ATXN3: variants seen among roughly 807,000 people sequenced by gnomAD.
ATXN3 encodes the protein ataxin 3.
A neutral mutation model predicts 58.2 loss-of-function variants in ATXN3; 28 were observed. The ratio of observed to expected loss-of-function variants is 0.48; its 90% CI spans 0.36 to 0.66. The LOEUF is 0.66. ATXN3 is among the 30% of genes least tolerant of loss of function. The probability of loss-of-function intolerance (pLI) is 0.00; values close to 1 mark genes in which losing one functional copy is unlikely to be tolerated. For synonymous variants in ATXN3, 113 were observed against 138.5 expected, an observed-to-expected ratio of 0.82 and a Z score of 1.29; for missense variants, 321 against 422.1, an observed-to-expected ratio of 0.76 and a Z score of 2.10.
rs61461391 is a variant in ATXN3, at chr14:92,060,270, ATTTT to A, written c.*4046_*4049del. ...CACACATATATATATATATATATAT[ATTTT>A]TTTTTTTCAGAAACAGTGTCTCACT... On this transcript the variant is annotated 3_prime_UTR_variant, in exon 11 of 11. Coordinates refer to ENST00000644486, the MANE Select transcript of ATXN3 (RefSeq NM_004993.6). 1 of 117,422 alleles carries A rather than the reference ATTTT, an allele frequency of 8.5e-6. No homozygotes were observed. Among genetic ancestry groups the A allele is most frequent in the African/African-American group, 3.5e-5 (1 of 28,296 alleles). 7.3% of individuals were successfully genotyped at this position (117,422 alleles called of 1,614,324 possible). A position where few individuals can be genotyped will look rare whatever the true frequency, so the allele number is the denominator to read the frequency against.
rs879408754 is a variant in ATXN3, at chr14:92,059,522, T to G, written c.*4798A>C. The G allele has an allele frequency of 3.3e-5, 5 of 152,208 alleles. No individual in the cohort carries two copies. The highest frequency in any genetic ancestry group is 7.3e-5 in the Non-Finnish European group (5 of 68,064). The allele number at this position is 152,208 out of a possible 1,614,324, so 9.4% of individuals were successfully genotyped here. A position where few individuals can be genotyped will look rare whatever the true frequency, so the allele number is the denominator to read the frequency against. ...ACTCGATACAACAAACAATTCACTT[T>G]GAAAACAGTGGCCCAAGGCCGGGTG... is the stretch of plus-strand genomic sequence containing the variant. On this transcript the variant is annotated 3_prime_UTR_variant, in exon 11 of 11. Transcript: ENST00000644486.
chr14:92,054,974 C>T (rs992460919), downstream of ATXN3, among the ~76,000 whole-genome samples: 15 of 152,274 alleles, frequency 9.9e-5, no homozygotes, highest in Non-Finnish European at 1.9e-4. Context: ...CTCCGCCTCC[C>T]GGGTTCAAGC....
chr14:92,090,660 T>C (rs2063578160), intron 5 of ATXN3: 1 of 152,200 alleles, frequency 6.6e-6, no homozygotes, highest in South Asian at 2.1e-4. Flanking sequence ...TTTGACATCT[T>C]CTGTATTTGT....
downstream of ATXN3, among the ~76,000 whole-genome samples, chr14:92,054,494 T>C: frequency 6.6e-6 from 1 of 152,234 alleles, no homozygotes; most frequent in South Asian, 2.1e-4. Flanking sequence ...GCAAATGCCA[T>C]GGCAACATCA....
At position 92,063,414 on chromosome 14, in the gene ATXN3, T is replaced by G. The variant is rs2057916955; in HGVS notation, c.*906A>C. 1 of 152,212 alleles carries G rather than the reference T, an allele frequency of 6.6e-6. No homozygotes were observed. The highest frequency in any genetic ancestry group is 1.9e-4 in the East Asian group (1 of 5,204). 9.4% of individuals were successfully genotyped at this position (152,212 alleles called of 1,614,324 possible). A position where few individuals can be genotyped will look rare whatever the true frequency, so the allele number is the denominator to read the frequency against. ...TCATGGTGGGTACGTATGTTTAGTC[T>G]TCTAACAGAAGGAGACTTGCCTGCA... On this transcript the variant is annotated 3_prime_UTR_variant, in exon 11 of 11. Coordinates refer to ENST00000644486, the MANE Select transcript of ATXN3 (RefSeq NM_004993.6).
intron 9 of ATXN3, among the ~76,000 whole-genome samples, chr14:92,075,156 G>GTTTTTTTTTTTTTTT (rs376552690): frequency 9.0e-6 from 1 of 111,356 alleles, no homozygotes; most frequent in African/African-American, 3.4e-5. Context: ...GTAATAGGGA[G>GTTTTTTTTTTTTTTT]TTTTTTTTTT....
At chr14:92,052,256 A>G (rs2140163826), upstream of ATXN3, among the ~76,000 whole-genome samples, 1 of 152,010 alleles carries the variant, frequency 6.6e-6, no homozygotes, top group Admixed American at 6.5e-5. Flanking sequence ...GCACTTTGGG[A>G]GGCTGAGGCG....
At chr14:92,072,694 T>TA (rs33967699) in intron 9 of ATXN3, among the ~76,000 whole-genome samples, 2,362 of 90,888 alleles carry the variant, frequency 0.026, 46 homozygotes, top group African/African-American at 0.03. Context: ...AGCTATAGGT[T>TA]AAAAAAAAAA....
chr14:92,074,240 TTGTTTGA>T (rs2059964440), intron 9 of ATXN3, among the ~76,000 whole-genome samples: 2 of 151,534 alleles, frequency 1.3e-5, no homozygotes, highest in Non-Finnish European at 2.9e-5. Context: ...GGCAGGAGAA[TTGTTTGA>T]AGCTGGGAGG....
At chr14:92,054,950 C>T (rs528369869), downstream of ATXN3, among the ~76,000 whole-genome samples, 19 of 152,146 alleles carry the variant, frequency 1.2e-4, no homozygotes, top group Admixed American at 2.0e-4. Context: ...GGCGTGATCT[C>T]GGCTCACTGC....
At chr14:92,050,505 G>A (rs1368428021), upstream of ATXN3, 3 of 152,266 alleles carry the variant, frequency 2.0e-5, no homozygotes, top group East Asian at 5.8e-4. Flanking sequence ...TACAGGTGGT[G>A]GGATCGAAGC....
rs1044663984 is a variant in ATXN3, at chr14:92,060,866, G to C, written c.*3454C>G. 1 of 151,866 alleles carries C rather than the reference G, an allele frequency of 6.6e-6. No individual in the cohort carries two copies. Among genetic ancestry groups the C allele is most frequent in the Non-Finnish European group, 1.5e-5 (1 of 68,038 alleles). The allele number at this position is 151,866 out of a possible 1,614,324, so 9.4% of individuals were successfully genotyped here. A position where few individuals can be genotyped will look rare whatever the true frequency, so the allele number is the denominator to read the frequency against. ...TCCTGCCTCAGACTCCCAGGTAGCT[G>C]GGATTACAGGCACCTGCCACCGCGC... On this transcript the variant is annotated 3_prime_UTR_variant, in exon 11 of 11. Coordinates refer to ENST00000644486, the MANE Select transcript of ATXN3 (RefSeq NM_004993.6).
At chr14:92,082,530 C>T in intron 7 of ATXN3, 64 bp from the exon 8 acceptor site, 1 of 1,426,160 alleles carries the variant, frequency 7.0e-7, no homozygotes, top group South Asian at 1.5e-5. Context: ...AACATAAAGG[C>T]ATTTGTAATG....
intron 9 of ATXN3, among the ~76,000 whole-genome samples, chr14:92,078,071 T>G (rs2060754230): frequency 6.6e-6 from 1 of 150,754 alleles, no homozygotes; most frequent in African/African-American, 2.5e-5. Flanking sequence ...ACCTCCTGGG[T>G]TCAAGCGATT....
chr14:92,057,970 A>G (rs1342557044), downstream of ATXN3, among the ~76,000 whole-genome samples: 1 of 152,112 alleles, frequency 6.6e-6, no homozygotes, highest in Non-Finnish European at 1.5e-5. Flanking sequence ...TCGGCCTCTC[A>G]AAGTGCTAGG....
At position 92,061,603 on chromosome 14, in the gene ATXN3, C is replaced by G. The variant is rs1172511554; in HGVS notation, c.*2717G>C. The G allele has an allele frequency of 1.3e-5, 2 of 152,078 alleles. No homozygotes were observed. The highest frequency in any genetic ancestry group is 2.9e-5 in the Non-Finnish European group (2 of 68,026). 9.4% of individuals were successfully genotyped at this position (152,078 alleles called of 1,614,324 possible). ...TAAATATTAAACATTAAGATGTTCC[C>G]AATTAGTAAAACAAAATGGAAATCT... is the stretch of plus-strand genomic sequence containing the variant. On this transcript the variant is annotated 3_prime_UTR_variant, in exon 11 of 11. Transcript: ENST00000644486.
intron 10 of ATXN3, among the ~76,000 whole-genome samples, chr14:92,068,457 T>C (rs915678590): frequency 9.9e-5 from 15 of 152,274 alleles, no homozygotes; most frequent in African/African-American, 2.6e-4. Context: ...TCTGAACCCA[T>C]AGCTTCTCCA....
chr14:92,050,727 T>G (rs1258972540), upstream of ATXN3: 2 of 152,586 alleles, frequency 1.3e-5, no homozygotes, highest in African/African-American at 4.8e-5. Context: ...CTTGGCTCAC[T>G]GCAACCTCCG....
chr14:92,095,952 A>G, intron 3 of ATXN3, 141 bp downstream of exon 3: 1 of 708,168 alleles, frequency 1.4e-6, no homozygotes, highest in African/African-American at 1.8e-5. Flanking sequence ...AAGAAAAAAA[A>G]AATCTAGTAC....
Sources: gnomAD v4.1 joint callset for allele counts (sites outside exome capture counted in the v4.1 genomes callset) on GRCh38, gnomAD v4.1.1 for gene constraint, MANE v1.5 for transcripts, NCBI Gene and HGNC (gene_info 2026-07-23, HGNC 2026-07-21) for gene names.